Variants in LRP1B observed in about 807,000 individuals in gnomAD.
LRP1B encodes the protein LDL receptor related protein 1B.
In LRP1B, 217 loss-of-function variants were observed where a neutral mutation model predicts 556.6. The observed-to-expected ratio is 0.39, with a 90% confidence interval of 0.35 to 0.44. The LOEUF (loss-of-function observed/expected upper bound fraction) is 0.44. Among genes scored for constraint, LRP1B ranks in the 20% least tolerant of loss-of-function variants. LRP1B has a pLI of 1.00. For missense variants in LRP1B, 5,053 were observed against 5,620.8 expected (o/e 0.90, Z 3.23); for synonymous variants, 2,047 against 1,865.8 (o/e 1.10, Z -2.50).
intron 41 of LRP1B, among the ~76,000 whole-genome samples, chr2:140,636,418 T>C (rs1263384086): frequency 6.6e-6 from 1 of 152,172 alleles, no homozygotes; most frequent in Non-Finnish European, 1.5e-5. Flanking sequence ...GGATCATTTC[T>C]GGAAACAAAA....
chr2:142,093,730 C>T (rs1706258480), intron 1 of LRP1B, among the ~76,000 whole-genome samples: 1 of 151,976 alleles, frequency 6.6e-6, no homozygotes, highest in African/African-American at 2.4e-5. Flanking sequence ...AGATAAAGAT[C>T]TTGAGGAGTT....
chr2:141,053,027 G>A (rs1478091954), intron 10 of LRP1B, among the ~76,000 whole-genome samples: 1 of 152,026 alleles, frequency 6.6e-6, no homozygotes, highest in Non-Finnish European at 1.5e-5. Flanking sequence ...GTTTGTGTAT[G>A]TAGGTATGTA....
intron 2 of LRP1B, among the ~76,000 whole-genome samples, chr2:141,485,938 G>T (rs1683103503): frequency 6.6e-6 from 1 of 152,162 alleles, no homozygotes; most frequent in Non-Finnish European, 1.5e-5. Context: ...CCTCTGTAGT[G>T]ACTGAATCAT....
chr2:141,865,379 T>A (rs1292971708), intron 1 of LRP1B, among the ~76,000 whole-genome samples: 1 of 150,322 alleles, frequency 6.7e-6, no homozygotes, highest in East Asian at 2.0e-4. Context: ...GATCACGAGG[T>A]CAGGAGATCG....
chr2:141,294,343 A>T (rs1170391155), intron 3 of LRP1B, among the ~76,000 whole-genome samples: 1 of 152,210 alleles, frequency 6.6e-6, no homozygotes, highest in Non-Finnish European at 1.5e-5. Flanking sequence ...AAAAGTCAAG[A>T]TTAAATTTTT....
At chr2:141,096,914 A>G (rs1403115589) in intron 7 of LRP1B, among the ~76,000 whole-genome samples, 2 of 152,178 alleles carry the variant, frequency 1.3e-5, no homozygotes, top group Admixed American at 6.5e-5. Flanking sequence ...TCAGAAAGAG[A>G]TTAAAGTTGG....
chr2:141,869,580 C>T (rs543233621), intron 1 of LRP1B, among the ~76,000 whole-genome samples: 9 of 152,176 alleles, frequency 5.9e-5, no homozygotes, highest in African/African-American at 2.2e-4. Context: ...TAACAGAAAA[C>T]ATATGGGTCT....
intron 66 of LRP1B, among the ~76,000 whole-genome samples, chr2:140,438,563 A>C (rs1686290400): frequency 6.6e-6 from 1 of 152,196 alleles, no homozygotes; most frequent in South Asian, 2.1e-4. Context: ...GAACATGTTG[A>C]TAGGTTCTGT....
intron 2 of LRP1B, among the ~76,000 whole-genome samples, chr2:141,605,131 A>G (rs1194770453): frequency 6.6e-6 from 1 of 152,104 alleles, no homozygotes; most frequent in Non-Finnish European, 1.5e-5. Flanking sequence ...TCGATTTGCT[A>G]TATATATTTG....
intron 3 of LRP1B, among the ~76,000 whole-genome samples, chr2:141,405,051 C>T (rs192882792): frequency 2.0e-5 from 3 of 152,064 alleles, no homozygotes; most frequent in Non-Finnish European, 4.4e-5. Flanking sequence ...AGAGATCGCA[C>T]TACTGCACTC....
intron 41 of LRP1B, among the ~76,000 whole-genome samples, chr2:140,687,361 T>C (rs1475834287): frequency 6.6e-6 from 1 of 152,180 alleles, no homozygotes; most frequent in Non-Finnish European, 1.5e-5. Context: ...TAATAAGGTT[T>C]AGACAGCTAA....
rs183937334 is a variant in LRP1B at position 141,916,628 on chromosome 2, C to A, written c.83-106227G>T. 4.8e-4 allele frequency among the ~76,000 whole-genome samples: 72 copies of A among 151,554 alleles called. 1 individual carries two copies. The East Asian group carries it at 0.014, about 29-fold the overall frequency. ...TGATCTCCTGACCTCGTGATCCGCC[C>A]TCCTCAGCCTCCCAAAGTGCTAGGA... On this transcript the variant is annotated intron_variant, in intron 1 of 90. Coordinates refer to ENST00000389484, the MANE Select transcript of LRP1B (RefSeq NM_018557.3).
At chr2:141,388,464 A>T (rs1689921525) in intron 3 of LRP1B, among the ~76,000 whole-genome samples, 2 of 152,250 alleles carry the variant, frequency 1.3e-5, no homozygotes, top group South Asian at 2.1e-4. Flanking sequence ...TTAAATAAAT[A>T]AATTAAATAA....
In LRP1B at chr2:141,338,627, C is replaced by T. The variant is rs573247026; in HGVS notation, c.344-83986G>A. Among the ~76,000 whole-genome samples, 23 of 152,236 alleles carry T rather than the reference C, an allele frequency of 1.5e-4. No individual in the cohort carries two copies. In the South Asian group the frequency reaches 4.6e-3, roughly 30 times the overall value. On this transcript the variant is annotated intron_variant, in intron 3 of 90. Transcript: ENST00000389484. ...AGAAAGAATAAGTGAAGGAAGTGTCCGTATTCTATTCAACCCAGAGTCAGA... is the reference window on the plus strand; with the variant it reads ...AGAAAGAATAAGTGAAGGAAGTGTCTGTATTCTATTCAACCCAGAGTCAGA...
chr2:142,079,042 T>C (rs1179453828), intron 1 of LRP1B, among the ~76,000 whole-genome samples: 1 of 152,192 alleles, frequency 6.6e-6, no homozygotes, highest in Middle Eastern at 3.2e-3. Flanking sequence ...TTAATGGAAA[T>C]ATTTTAACAT....
chr2:141,987,228 C>G (rs1327818145), intron 1 of LRP1B, among the ~76,000 whole-genome samples: 1 of 151,952 alleles, frequency 6.6e-6, no homozygotes, highest in African/African-American at 2.4e-5. Context: ...TTACACGGAT[C>G]AAGTAAACAA....
At chr2:142,015,473 A>T (rs969730133) in intron 1 of LRP1B, among the ~76,000 whole-genome samples, 2 of 152,220 alleles carry the variant, frequency 1.3e-5, no homozygotes, top group Non-Finnish European at 2.9e-5. Context: ...CAAAGACTTC[A>T]TGTCTAAAAC....
intron 41 of LRP1B, among the ~76,000 whole-genome samples, chr2:140,663,830 T>A (rs955279449): frequency 5.3e-5 from 8 of 152,254 alleles, no homozygotes; most frequent in South Asian, 2.1e-4. Flanking sequence ...TTCAACATGC[T>A]TTCCTCACTA....
intron 2 of LRP1B, among the ~76,000 whole-genome samples, chr2:141,621,966 A>G (rs1574152457): frequency 1.3e-5 from 2 of 152,116 alleles, no homozygotes; most frequent in African/African-American, 4.8e-5. Context: ...ATCTCGGCTC[A>G]TGGCAACCTC....
Sources: gnomAD v4.1 joint callset for allele counts (sites outside exome capture counted in the v4.1 genomes callset) on GRCh38, gnomAD v4.1.1 for gene constraint, MANE v1.5 for transcripts, NCBI Gene and HGNC (gene_info 2026-07-23, HGNC 2026-07-21) for gene names.